Variants in KCNH8 observed in about 807,000 individuals in gnomAD.
The protein encoded by KCNH8 is potassium voltage-gated channel subfamily H member 8, also known as voltage-gated delayed rectifier potassium channel KCNH8.
A neutral mutation model predicts 103.6 loss-of-function variants in KCNH8; 70 were observed. The ratio of observed to expected loss-of-function variants is 0.68; its 90% CI spans 0.56 to 0.82. KCNH8 has a LOEUF of 0.82. Among genes scored for constraint, KCNH8 ranks in the 40% least tolerant of loss-of-function variants. The probability of loss-of-function intolerance (pLI) is 0.00; values close to 1 mark genes in which losing one functional copy is unlikely to be tolerated. For synonymous variants in KCNH8, 498 were observed against 489.4 expected (o/e 1.02, Z -0.23); for missense variants, 1,217 against 1,329.9 (o/e 0.92, Z 1.32).
intron 3 of KCNH8, among the ~76,000 whole-genome samples, chr3:19,331,571 G>A (rs747885961): frequency 1.3e-5 from 2 of 152,042 alleles, no homozygotes; most frequent in Admixed American, 6.6e-5. Flanking sequence ...GATTACAGGC[G>A]TGAGCCACCG....
intron 3 of KCNH8, among the ~76,000 whole-genome samples, chr3:19,311,267 A>G (rs1378487971): frequency 6.6e-6 from 1 of 151,676 alleles, no homozygotes; most frequent in East Asian, 1.9e-4. Flanking sequence ...ACCACATTTA[A>G]TTGTCACAAA....
At chr3:19,376,797 AC>A (rs1355446998) in intron 5 of KCNH8, among the ~76,000 whole-genome samples, 1 of 152,242 alleles carries the variant, frequency 6.6e-6, no homozygotes, top group African/African-American at 2.4e-5. Context: ...CTCAAAATAC[AC>A]TGGAGTGGAA....
At chr3:19,485,694 T>TG (rs770620084) in intron 11 of KCNH8, among the ~76,000 whole-genome samples, 4 of 152,276 alleles carry the variant, frequency 2.6e-5, no homozygotes, top group Admixed American at 1.3e-4. Flanking sequence ...GAGGGAGTAA[T>TG]GGGGCTGCTA....
At chr3:19,166,093 A>G (rs535607111) in intron 1 of KCNH8, among the ~76,000 whole-genome samples, 1 of 152,352 alleles carries the variant, frequency 6.6e-6, no homozygotes, top group African/African-American at 2.4e-5. Context: ...GTTATGTTTC[A>G]AAGGATAATT....
At chr3:19,282,329 A>G (rs919947444) in intron 3 of KCNH8, among the ~76,000 whole-genome samples, 2 of 152,182 alleles carry the variant, frequency 1.3e-5, no homozygotes, top group African/African-American at 2.4e-5. Flanking sequence ...GGGAAGAGCC[A>G]TATTAAAATT....
intron 12 of KCNH8, among the ~76,000 whole-genome samples, chr3:19,512,333 T>C (rs1467193298): frequency 6.6e-6 from 1 of 152,164 alleles, no homozygotes; most frequent in Non-Finnish European, 1.5e-5. Context: ...GGCAAGACTA[T>C]TTTTCCTTCC....
At chr3:19,239,668 AT>A (rs2064111943) in intron 1 of KCNH8, among the ~76,000 whole-genome samples, 2 of 151,788 alleles carry the variant, frequency 1.3e-5, no homozygotes, top group African/African-American at 4.9e-5. Flanking sequence ...CTATCTATCT[AT>A]CTATCTATCT....
At chr3:19,380,789 C>CT (rs1325156705) in intron 5 of KCNH8, among the ~76,000 whole-genome samples, 3 of 152,192 alleles carry the variant, frequency 2.0e-5, no homozygotes, top group Non-Finnish European at 2.9e-5. Context: ...GTGGGTGTGG[C>CT]TTGATACTAT....
intron 7 of KCNH8, among the ~76,000 whole-genome samples, chr3:19,409,592 G>A (rs1250060859): frequency 6.6e-6 from 1 of 152,066 alleles, no homozygotes; most frequent in Non-Finnish European, 1.5e-5. Context: ...AAGAAAACAA[G>A]ACCCATTCAT....
chr3:19,513,282 C>A lies in KCNH8; in HGVS notation c.2392C>A (p.Leu798Ile), dbSNP rs1167180376. Residue 798 changes from leucine to isoleucine, a missense_variant, in exon 13 of 16, where the codon CTT becomes ATT. Around this residue, in one of 3 missense-constraint regions of KCNH8, gnomAD observed 558 missense variants for 495.8 expected, o/e 1.13. Coordinates refer to ENST00000328405, the MANE Select transcript of KCNH8 (RefSeq NM_144633.3). The part of the protein sequence containing the change: ...KRKEKNLKLQ[L>I]STLNNAGPPD... ...GAAAGAGAAGAACTTGAAATTGCAA[C>A]TTTCAACTTTGAATAATGCTGGACC... The A allele has an allele frequency of 6.2e-7, 1 of 1,612,016 alleles. No homozygotes were observed. Among genetic ancestry groups the A allele is most frequent in the South Asian group, 1.1e-5 (1 of 90,866 alleles).
At chr3:19,510,558 G>A (rs1274726260) in intron 12 of KCNH8, among the ~76,000 whole-genome samples, 157 bp downstream of exon 12, 2 of 152,154 alleles carry the variant, frequency 1.3e-5, no homozygotes, top group Non-Finnish European at 2.9e-5. Flanking sequence ...GCTTGAGTTT[G>A]AGTATAGAGG....
chr3:19,159,369 T>C (rs2063212294), intron 1 of KCNH8, among the ~76,000 whole-genome samples: 1 of 151,878 alleles, frequency 6.6e-6, no homozygotes, highest in African/African-American at 2.4e-5. Context: ...TATATACACA[T>C]ATATGATATG....
chr3:19,154,930 A>G (rs1437454478), intron 1 of KCNH8, among the ~76,000 whole-genome samples: 1 of 152,206 alleles, frequency 6.6e-6, no homozygotes, highest in Non-Finnish European at 1.5e-5. Flanking sequence ...TTAAAATCCA[A>G]AATACAAACA....
At chr3:19,188,854 G>A (rs1049198904) in intron 1 of KCNH8, among the ~76,000 whole-genome samples, 8 of 151,950 alleles carry the variant, frequency 5.3e-5, no homozygotes, top group Non-Finnish European at 1.2e-4. Flanking sequence ...ATGTTGCCCA[G>A]ACTGGATTCA....
At chr3:19,252,591 T>C (rs1215208351) in intron 1 of KCNH8, among the ~76,000 whole-genome samples, 2 of 152,024 alleles carry the variant, frequency 1.3e-5, no homozygotes, top group Non-Finnish European at 2.9e-5. Context: ...GGTTTCACCA[T>C]ATTGGCCAGG....
At chr3:19,279,516 T>C (rs1427763355) in intron 2 of KCNH8, among the ~76,000 whole-genome samples, 1 of 150,792 alleles carries the variant, frequency 6.6e-6, no homozygotes, top group African/African-American at 2.4e-5. Context: ...TGAAATGAGA[T>C]TGCCATGGCA....
chr3:19,158,072 C>T (rs2063198757), intron 1 of KCNH8, among the ~76,000 whole-genome samples: 3 of 151,264 alleles, frequency 2.0e-5, no homozygotes, highest in Admixed American at 2.0e-4. Context: ...TAAAACATAT[C>T]CCATATGTTC....
At chr3:19,450,354 A>C (rs777653985) in intron 9 of KCNH8, 49 bp downstream of exon 9, 1 of 1,430,840 alleles carries the variant, frequency 7.0e-7, no homozygotes, top group South Asian at 1.1e-5. Flanking sequence ...ACATATTCTA[A>C]GGTAAACGCA....
rs190162400 is a variant in KCNH8, at chr3:19,350,085, C to T, written c.811+2120C>T. Among the ~76,000 whole-genome samples the T allele has an allele frequency of 8.5e-5, 13 of 152,166 alleles. No homozygotes were observed. The East Asian group carries it at 2.5e-3, about 30-fold the overall frequency. On this transcript the variant is annotated intron_variant, in intron 5 of 15. Coordinates refer to ENST00000328405, the MANE Select transcript of KCNH8 (RefSeq NM_144633.3). The stretch of plus-strand genomic sequence containing the variant: ...TCTTTCCTGCTGTTATCTGCCTGCT[C>T]TTTCTTTTAAATGAGTTTAAGCATA...
Sources: allele counts gnomAD v4.1 joint callset (sites outside exome capture counted in the v4.1 genomes callset), GRCh38; gene constraint gnomAD v4.1.1; regional missense constraint gnomAD v4.1.1; transcripts MANE v1.5; gene names NCBI Gene and HGNC (gene_info 2026-07-23, HGNC 2026-07-21).